Variants in SPG11 observed in about 807,000 individuals in gnomAD.
SPG11 encodes spatacsin.
In SPG11, 222 loss-of-function variants were observed where a neutral mutation model predicts 274.0. The ratio of observed to expected loss-of-function variants is 0.81; its 90% confidence interval spans 0.73 to 0.91. SPG11 has a LOEUF of 0.91. Ranked by LOEUF, SPG11 falls within the 40% of genes least tolerant of loss-of-function variation. The pLI is 0.00. For synonymous variants in SPG11, 1,144 were observed against 1,039.7 expected (o/e 1.10, Z -1.93); for missense variants, 3,114 against 2,872.7 (o/e 1.08, Z -1.92).
chr15:44,569,094 T>TG (rs1453431099), intron 35 of SPG11, among the ~76,000 whole-genome samples: 3 of 144,784 alleles, frequency 2.1e-5, no homozygotes, highest in East Asian at 2.0e-4. Flanking sequence ...CACTTGAACC[T>TG]GGGGGGCGGA....
At chr15:44,645,173 A>G (rs1449557272) in intron 7 of SPG11, among the ~76,000 whole-genome samples, 1 of 152,218 alleles carries the variant, frequency 6.6e-6, no homozygotes, top group Non-Finnish European at 1.5e-5. Context: ...CCTTTTGTCT[A>G]AGACCAATTG....
chr15:44,579,242 GGGCTGGGC>G (rs1247822103), intron 30 of SPG11, among the ~76,000 whole-genome samples: 11 of 150,428 alleles, frequency 7.3e-5, no homozygotes, highest in Non-Finnish European at 1.5e-4. Context: ...GCAGGAAGAG[GGGCTGGGC>G]GTGGTGGCTC....
chr15:44,663,538 G>T lies in SPG11; in HGVS notation c.110C>A (p.Ala37Glu). 1 of 1,598,230 alleles carries T rather than the reference G, an allele frequency of 6.3e-7. No homozygotes were observed. The highest frequency in any genetic ancestry group is 8.5e-7 in the Non-Finnish European group (1 of 1,173,458). ...CGCCCGGGAGCCGAGCTGCCCCATC[G>T]CCTCGGCGGGGACTGGCACCAACAG... ...PMLLVPVPAE[A>E]MGQLGSRAQL... is the part of the protein sequence containing the mutation. Residue 37 changes from alanine (A) to glutamate (E), a missense_variant, in exon 1 of 40, where the codon GCG becomes GAG. Transcript: ENST00000261866.
chr15:44,617,721 G>A lies in SPG11; in HGVS notation c.2835-2155C>T, dbSNP rs369665576. ...GATGGATTCTCACTCTGTCTCCCAG[G>A]CTGGAGTTCAGTGGCTTGATCTTGG... On this transcript the variant is annotated intron_variant, in intron 15 of 39. Transcript: ENST00000261866. Among the ~76,000 whole-genome samples, 12 of 152,092 alleles carry A rather than the reference G, an allele frequency of 7.9e-5. No homozygotes were observed. In the East Asian group the frequency reaches 1.9e-3, roughly 24 times the overall value.
chr15:44,624,545 A>C (rs1471740329), intron 11 of SPG11, among the ~76,000 whole-genome samples: 3 of 152,190 alleles, frequency 2.0e-5, no homozygotes, highest in Non-Finnish European at 4.4e-5. Flanking sequence ...AGGAGTAGAT[A>C]TTGGTCAAAA....
At chr15:44,643,838 A>C (rs1377597384) in intron 7 of SPG11, among the ~76,000 whole-genome samples, 2 of 152,042 alleles carry the variant, frequency 1.3e-5, no homozygotes, top group African/African-American at 4.8e-5. Flanking sequence ...GAAAAGAGAA[A>C]ACCAGGCCAA....
In SPG11 at chr15:44,592,356, A is replaced by G. The variant is rs986434576; in HGVS notation, c.4718T>C (p.Leu1573Pro). The G allele has an allele frequency of 3.1e-6, 5 of 1,610,070 alleles. No homozygotes were observed. The Admixed American group carries it at 5.0e-5, about 16-fold the overall frequency. Residue 1573 changes from leucine (L) to proline (P), a missense_variant, in exon 27 of 40, where the codon CTG becomes CCG. Transcript: ENST00000261866. ...CGTTTCAAGGCTCTTCTGAAACTCC[A>G]GAAGTTTAGCTTCAGCTTCTTTATA... ...RNYKEAEAKL[L>P]EFQKSLETLN...
chr15:44,651,786 A>G lies in SPG11; in HGVS notation c.1161T>C (p.Ile387=), dbSNP rs1188956761. ...HSTSVQSWAF[I]PQDIMHGQYN... is the part of the protein sequence containing the mutation. ...ATTGCCCATGCATTATGTCCTGTGG[A>G]ATGAAGGCCCAGCTCTGCACACTTG... The change falls in exon 6 of 40, where the codon ATT becomes ATC. Residue 387 remains isoleucine, a synonymous_variant. Coordinates refer to ENST00000261866, the MANE Select transcript of SPG11 (RefSeq NM_025137.4). 1.2e-6 allele frequency: 2 copies of G among 1,614,160 alleles called. No individual in the cohort carries two copies. The highest frequency in any genetic ancestry group is 1.7e-5 in the Admixed American group (1 of 60,028).
intron 30 of SPG11, among the ~76,000 whole-genome samples, chr15:44,580,548 G>A (rs987068928): frequency 6.6e-6 from 1 of 152,224 alleles, no homozygotes; most frequent in African/African-American, 2.4e-5. Context: ...GGAGGCCGAC[G>A]CGGGCAGATC....
At chr15:44,652,973 G>A (rs189853055) in intron 4 of SPG11, among the ~76,000 whole-genome samples, 5 of 152,224 alleles carry the variant, frequency 3.3e-5, no homozygotes, top group Admixed American at 2.6e-4. Context: ...TTTAGGCTGC[G>A]ACCAGAGGAA....
Position 44,629,343 on chromosome 15 carries a change from A to C in SPG11, c.1781T>G (p.Ile594Ser). ...IPALDLLCSA[I>S]RESYSEPQSK... ...TTGGGGTTCAGAATAACTTTCTCTA[A>C]TTGCCGAGCAAAGTAAATCCAATGC... Residue 594 changes from isoleucine to serine, a missense_variant, in exon 9 of 40, where the codon ATT becomes AGT. Physicochemically the swap from Ile to Ser is moderately radical, Grantham distance 142. Transcript: ENST00000261866. 1 of 1,614,146 alleles carries C rather than the reference A, an allele frequency of 6.2e-7. No homozygotes were observed. Among genetic ancestry groups the C allele is most frequent in the East Asian group, 2.2e-5 (1 of 44,876 alleles).
chr15:44,602,000 G>A (rs1247411553), intron 20 of SPG11, among the ~76,000 whole-genome samples: 1 of 152,120 alleles, frequency 6.6e-6, no homozygotes, highest in Non-Finnish European at 1.5e-5. Context: ...GGATAGTTTT[G>A]TTCATTATCT....
At chr15:44,597,347 G>A (rs978331666) in intron 23 of SPG11, among the ~76,000 whole-genome samples, 13 of 152,084 alleles carry the variant, frequency 8.5e-5, no homozygotes, top group African/African-American at 3.1e-4. Context: ...CCCAACCTCA[G>A]GTGATCCGTC....
In SPG11 at chr15:44,657,285, C is replaced by T; in HGVS notation, c.679G>A (p.Val227Ile). 6.2e-7 allele frequency: 1 copy of T among 1,614,164 alleles called. No individual in the cohort carries two copies. The highest frequency in any genetic ancestry group is 8.5e-7 in the Non-Finnish European group (1 of 1,180,016). Residue 227 changes from valine (V) to isoleucine (I), a missense_variant, in exon 4 of 40, where the codon GTT (valine) becomes ATT (isoleucine). By Grantham distance (29) the Val-to-Ile change is conservative. Transcript: ENST00000261866. Reference sequence around the variant, plus strand: ...TGAGCTACATATGTACCATCCACAACATCAAAAATGTCTTTTAGTTAGAGT... The same window carrying T: ...TGAGCTACATATGTACCATCCACAATATCAAAAATGTCTTTTAGTTAGAGT... The part of the protein sequence containing the change: ...SSLGWIYIFD[V>I]VDGTYVAHVD...
rs755438310 is a variant in SPG11 at position 44,573,577 on chromosome 15, G to T, written c.6175C>A (p.Arg2059=). The change falls in exon 32 of 40, where the codon CGG becomes AGG. Residue 2059 remains arginine, a synonymous_variant. Transcript: ENST00000261866. ...VAELVAEEVT[R]ELLTSSQGTG... The stretch of plus-strand genomic sequence containing the variant: ...CCCTGTGATGAAGTAAGCAGCTCCC[G>T]TGTCACCTCTTCTGCCACGAGTTCA... 6.2e-7 allele frequency: 1 copy of T among 1,614,126 alleles called. No homozygotes were observed. Among genetic ancestry groups the T allele is most frequent in the Non-Finnish European group, 8.5e-7 (1 of 1,180,030 alleles).
Position 44,569,413 on chromosome 15 carries a change from C to T in SPG11, c.6570G>A (p.Arg2190=). ...HKKHYFEVLM[R]KKLDPSGTLK... Reference sequence around the variant, plus strand: ...TTGCACCTACCGGATCCAACTTCTTCCTCATTAGCACTTCAAAGTAGTGCT... The same window carrying T: ...TTGCACCTACCGGATCCAACTTCTTTCTCATTAGCACTTCAAAGTAGTGCT... The change falls in exon 35 of 40, where the codon AGG becomes AGA. Residue 2190 remains arginine (R), a synonymous_variant. Transcript: ENST00000261866. 6.2e-7 allele frequency: 1 copy of T among 1,603,662 alleles called. No homozygotes were observed. The highest frequency in any genetic ancestry group is 8.5e-7 in the Non-Finnish European group (1 of 1,174,146).
At chr15:44,627,797 G>C (rs1218010704) in intron 10 of SPG11, among the ~76,000 whole-genome samples, 1 of 152,006 alleles carries the variant, frequency 6.6e-6, no homozygotes, top group Non-Finnish European at 1.5e-5. Flanking sequence ...TCACCATTTG[G>C]TCAGACTTGT....
chr15:44,606,567 A>C (rs1454516612), intron 19 of SPG11, among the ~76,000 whole-genome samples: 9 of 152,208 alleles, frequency 5.9e-5, no homozygotes, highest in Admixed American at 5.2e-4. Context: ...AACAAAGAAA[A>C]AATAGCGGAC....
At chr15:44,652,812 G>A (rs2084825485) in intron 4 of SPG11, among the ~76,000 whole-genome samples, 1 of 152,024 alleles carries the variant, frequency 6.6e-6, no homozygotes, top group African/African-American at 2.4e-5. Flanking sequence ...ATGCCACCAT[G>A]CCTGGCTAAT....
Sources: allele counts gnomAD v4.1 joint callset (sites outside exome capture counted in the v4.1 genomes callset), GRCh38; gene constraint gnomAD v4.1.1; transcripts MANE v1.5; gene names NCBI Gene and HGNC (gene_info 2026-07-23, HGNC 2026-07-21).